Variants in ANXA5 observed in about 807,000 individuals in gnomAD.
ANXA5 encodes annexin A5.
Under a neutral mutation model 48.1 loss-of-function variants are expected in ANXA5, and 40 were observed. The ratio of observed to expected loss-of-function variants is 0.83; its 90% CI spans 0.65 to 1.08. The LOEUF (loss-of-function observed/expected upper bound fraction) is 1.08, where lower values mean the gene tolerates loss of function less well. Among genes scored for constraint, ANXA5 ranks in the 50% least tolerant of loss-of-function variants. ANXA5 has a pLI of 0.00. For synonymous variants in ANXA5, 113 were observed against 129.1 expected, an observed-to-expected ratio of 0.88 and a Z score of 0.85; for missense variants, 357 against 376.8, an observed-to-expected ratio of 0.95 and a Z score of 0.44.
chr4:121,673,059 T>G (rs532697119), intron 8 of ANXA5, among the ~76,000 whole-genome samples: 2 of 152,224 alleles, frequency 1.3e-5, no homozygotes. Context: ...CAATAGCACA[T>G]GAGTAAAAGT....
At chr4:121,678,711 T>C (rs1290842254) in intron 6 of ANXA5, among the ~76,000 whole-genome samples, 2 of 152,190 alleles carry the variant, frequency 1.3e-5, no homozygotes, top group Non-Finnish European at 2.9e-5. Flanking sequence ...CAATTCAAAC[T>C]TAAATCAAGA....
chr4:121,678,725 A>G (rs1217191308), intron 6 of ANXA5, among the ~76,000 whole-genome samples: 1 of 152,226 alleles, frequency 6.6e-6, no homozygotes, highest in Non-Finnish European at 1.5e-5. Context: ...ATCAAGACTC[A>G]GCCATTTAGA....
chr4:121,668,660 C>G, intron 12 of ANXA5, 133 bp from the exon 13 acceptor site: 1 of 715,470 alleles, frequency 1.4e-6, no homozygotes, highest in Non-Finnish European at 2.4e-6. Context: ...ACTTTCACAT[C>G]AGGAATGTTA....
intron 12 of ANXA5, 66 bp downstream of exon 12, chr4:121,669,536 G>C: frequency 6.3e-7 from 1 of 1,583,532 alleles, no homozygotes; most frequent in Non-Finnish European, 8.6e-7. Context: ...TCTTATCCTT[G>C]TCTTTCATGC....
At chr4:121,695,844 G>A (rs1286014346) in intron 2 of ANXA5, among the ~76,000 whole-genome samples, 1 of 151,378 alleles carries the variant, frequency 6.6e-6, no homozygotes, top group African/African-American at 2.4e-5. Context: ...AGGTTGTAGT[G>A]AGCGAGATCA....
At position 121,670,024 on chromosome 4, in the gene ANXA5, A is replaced by C; in HGVS notation, c.722-12T>G. On this transcript the variant is annotated splice_polypyrimidine_tract_variant and intron_variant, in intron 10 of 12. Transcript: ENST00000296511. ...TCGAATAGATTTCACTAAGAAAATA[A>C]ACAATACAATGGTCAAATGCTATTT... 6.3e-7 allele frequency: 1 copy of C among 1,575,890 alleles called. No individual in the cohort carries two copies.
chr4:121,678,171 T>C, intron 7 of ANXA5: 1 of 608,300 alleles, frequency 1.6e-6, no homozygotes, highest in East Asian at 2.7e-5. Flanking sequence ...AAGATACCGC[T>C]ATCATTCTAT....
Position 121,668,222 on chromosome 4 carries a change from AATGGCC to A in ANXA5, c.*240_*245del. The A allele has an allele frequency of 2.9e-6, 1 of 342,332 alleles. No homozygotes were observed. Among genetic ancestry groups the A allele is most frequent in the Non-Finnish European group, 5.3e-6 (1 of 189,992 alleles). 21.2% of individuals were successfully genotyped at this position (342,332 alleles called of 1,614,324 possible). A position where few individuals can be genotyped will look rare whatever the true frequency, so the allele number is the denominator to read the frequency against. On this transcript the variant is annotated 3_prime_UTR_variant, in exon 13 of 13. Transcript: ENST00000296511. Reference sequence around the variant, plus strand: ...TCTTAAAAAATATATATAAATGGAAAATGGCCAGGCATTAAACTTAGTAACATTAAG... The same window carrying A: ...TCTTAAAAAATATATATAAATGGAAAAGGCATTAAACTTAGTAACATTAAG...
intron 4 of ANXA5, among the ~76,000 whole-genome samples, chr4:121,684,422 G>A (rs1236477299): frequency 6.6e-6 from 1 of 152,140 alleles, no homozygotes; most frequent in Non-Finnish European, 1.5e-5. Context: ...GAAAAGAAGA[G>A]AGACAGTTCT....
At chr4:121,684,454 C>G (rs1405241147) in intron 4 of ANXA5, among the ~76,000 whole-genome samples, 1 of 152,126 alleles carries the variant, frequency 6.6e-6, no homozygotes, top group Non-Finnish European at 1.5e-5. Context: ...CTTTTGGCAC[C>G]TCTACAGCAT....
intron 8 of ANXA5, among the ~76,000 whole-genome samples, chr4:121,674,416 T>C (rs1434631212): frequency 6.6e-6 from 1 of 152,174 alleles, no homozygotes; most frequent in Admixed American, 6.5e-5. Context: ...TGCTAGTTAC[T>C]ACTTCTGGTA....
intron 1 of ANXA5, 117 bp downstream of exon 1, chr4:121,696,746 C>T: frequency 3.9e-6 from 2 of 514,908 alleles, no homozygotes; most frequent in Non-Finnish European, 6.2e-6. Context: ...ACGGGGCCGA[C>T]CCGCCCTCTC....
intron 12 of ANXA5, among the ~76,000 whole-genome samples, chr4:121,669,054 GAAA>G (rs35301456): frequency 2.1e-5 from 3 of 141,826 alleles, no homozygotes. Flanking sequence ...ACCTTTACTG[GAAA>G]AAAAAAAAAA....
At chr4:121,680,682 T>G (rs1054774935) in intron 6 of ANXA5, among the ~76,000 whole-genome samples, 1 of 152,106 alleles carries the variant, frequency 6.6e-6, no homozygotes, top group Non-Finnish European at 1.5e-5. Flanking sequence ...CCATTTGTAA[T>G]CCAGTAGCAC....
chr4:121,670,665 C>A (rs1724597595), intron 10 of ANXA5, among the ~76,000 whole-genome samples: 1 of 152,138 alleles, frequency 6.6e-6, no homozygotes, highest in African/African-American at 2.4e-5. Context: ...ATAATCCTTG[C>A]ATGTGGAGAT....
intron 10 of ANXA5, 26 bp from the exon 11 acceptor site, chr4:121,670,038 C>A: frequency 6.6e-7 from 1 of 1,516,998 alleles, no homozygotes; most frequent in South Asian, 1.2e-5. Context: ...ATACAATGGT[C>A]AAATGCTATT....
Position 121,696,835 on chromosome 4 carries a change from G to C in ANXA5, c.-36+28C>G, listed in dbSNP as rs1014370976. ...GACCACGCTCTCCTCTCCAGAAGGA[G>C]CCCCCTCCCCGGGCTGCGACCACTC... is the stretch of plus-strand genomic sequence containing the variant. On this transcript the variant is annotated intron_variant, in intron 1 of 12. Coordinates refer to ENST00000296511, the MANE Select transcript of ANXA5 (RefSeq NM_001154.4). The C allele has an allele frequency of 1.0e-4, 37 of 365,396 alleles. No homozygotes were observed. The Admixed American group carries it at 1.2e-3, about 12-fold the overall frequency. The allele number at this position is 365,396 out of a possible 1,614,324, so 22.6% of individuals were successfully genotyped here.
At chr4:121,677,489 C>T (rs1398736219) in intron 8 of ANXA5, among the ~76,000 whole-genome samples, 1 of 152,168 alleles carries the variant, frequency 6.6e-6, no homozygotes, top group Non-Finnish European at 1.5e-5. Flanking sequence ...AATAACTTGT[C>T]ATCTCTTATG....
Position 121,669,957 on chromosome 4 carries a change from C to G in ANXA5, c.777G>C (p.Met259Ile). 2 of 1,596,358 alleles carry G rather than the reference C, an allele frequency of 1.3e-6. No homozygotes were observed. Among genetic ancestry groups the G allele is most frequent in the South Asian group, 2.3e-5 (2 of 88,140 alleles). Residue 259 changes from methionine (M) to isoleucine (I), a missense_variant, in exon 11 of 13, where the codon ATG becomes ATC. Met to Ile is a conservative substitution (Grantham distance 10, BLOSUM62 1). Transcript: ENST00000296511. ...AYLAETLYYA[M>I]KGAGTDDHTL... ...AAGGTTCATGGTCTCCACTTACCTT[C>G]ATAGCATAATAGAGGGTCTCTGCAA...
Sources: allele counts gnomAD v4.1 joint callset (sites outside exome capture counted in the v4.1 genomes callset), GRCh38; gene constraint gnomAD v4.1.1; transcripts MANE v1.5; gene names NCBI Gene and HGNC (gene_info 2026-07-23, HGNC 2026-07-21).